Variants in ACSM2B observed in about 807,000 individuals in gnomAD.
The protein encoded by ACSM2B is acyl-coenzyme A synthetase ACSM2B, mitochondrial.
A neutral mutation model predicts 78.6 loss-of-function variants in ACSM2B; 58 were observed. The observed-to-expected ratio is 0.74, with a 90% confidence interval of 0.60 to 0.92. The LOEUF (loss-of-function observed/expected upper bound fraction) is 0.92. ACSM2B is among the 40% of genes least tolerant of loss of function. The pLI is 0.00. For missense variants in ACSM2B, 688 were observed against 711.2 expected, an observed-to-expected ratio of 0.97 and a Z score of 0.37; for synonymous variants, 257 against 256.8, an observed-to-expected ratio of 1.00 and a Z score of -0.01.
Position 20,537,158 on chromosome 16 carries a change from CT to C in ACSM2B, c.*99del, listed in dbSNP as rs1209387871. ...GCAAGACAAAACTTACATTCATGTT[CT>C]TTCATAAAGAATCTCATATCATCAT... On this transcript the variant is annotated 3_prime_UTR_variant, in exon 14 of 14. Coordinates refer to ENST00000329697, the MANE Select transcript of ACSM2B (RefSeq NM_001105069.2). The C allele has an allele frequency of 7.1e-7, 1 of 1,403,074 alleles. No homozygotes were observed. The highest frequency in any genetic ancestry group is 1.4e-5 in the African/African-American group (1 of 69,892). 86.9% of individuals were successfully genotyped at this position (1,403,074 alleles called of 1,614,324 possible).
chr16:20,542,785 G>A (rs1596704836), intron 12 of ACSM2B, 129 bp downstream of exon 12: 2 of 1,236,262 alleles, frequency 1.6e-6, no homozygotes, highest in Admixed American at 4.8e-5. Context: ...AGGTCACATA[G>A]CTAGTAAGTG....
intron 2 of ACSM2B, 29 bp from the exon 3 acceptor site, chr16:20,559,476 G>C: frequency 1.2e-6 from 2 of 1,610,350 alleles, no homozygotes; most frequent in Non-Finnish European, 1.7e-6. Context: ...TGTTGATTAG[G>C]GGGCATTGGT....
chr16:20,542,995 C>G lies in ACSM2B; in HGVS notation c.1428G>C (p.Ser476=), dbSNP rs148194016. ...GCTTCATCAGTGCATTCTCTACCTC[C>G]GAGGGTCCAATCCGGTACCTGCAGA... ...INSSGYRIGP[S]EVENALMKHP... Residue 476 remains serine, a synonymous_variant, in exon 12 of 14, where the codon TCG becomes TCC. Coordinates refer to ENST00000329697, the MANE Select transcript of ACSM2B (RefSeq NM_001105069.2). 1 of 1,613,624 alleles carries G rather than the reference C, an allele frequency of 6.2e-7. No individual in the cohort carries two copies. Among genetic ancestry groups the G allele is most frequent in the Non-Finnish European group, 8.5e-7 (1 of 1,179,852 alleles).
intron 2 of ACSM2B, among the ~76,000 whole-genome samples, chr16:20,560,307 G>A (rs1311646855): frequency 6.6e-6 from 1 of 151,816 alleles, no homozygotes; most frequent in Non-Finnish European, 1.5e-5. Flanking sequence ...AATGTCAGAG[G>A]TGGGGCTTGG....
intron 8 of ACSM2B, chr16:20,546,710 C>T (rs878945240): frequency 1.0e-4 from 60 of 572,460 alleles, no homozygotes; most frequent in Non-Finnish European, 1.5e-4. Flanking sequence ...GGAAGAGGAC[C>T]TAACAATCAC....
At position 20,573,525 on chromosome 16, in the gene ACSM2B, G is replaced by T. The variant is rs367604442; in HGVS notation, c.-9+2682C>A. 1.2e-3 allele frequency among the ~76,000 whole-genome samples: 174 copies of T among 141,140 alleles called. 13 individuals carry two copies. In the South Asian group the frequency reaches 0.038, roughly 30 times the overall value. 92.6% of individuals were successfully genotyped at this position (141,140 alleles called of 152,430 possible). On this transcript the variant is annotated intron_variant, in intron 1 of 13. Transcript: ENST00000329697. The stretch of plus-strand genomic sequence containing the variant: ...AAGTTCATTGGAGTTTACAAAGTCA[G>T]TGTCCCCAGCTTCACCAGTGTCCTC...
chr16:20,545,312 A>G (rs908827729), intron 9 of ACSM2B, 54 bp from the exon 10 acceptor site: 1 of 1,579,690 alleles, frequency 6.3e-7, no homozygotes, highest in South Asian at 1.1e-5. Flanking sequence ...GATGGCTTCA[A>G]TGGCAGCAGG....
chr16:20,545,559 G>A (rs1315040306), intron 9 of ACSM2B, among the ~76,000 whole-genome samples: 3 of 152,164 alleles, frequency 2.0e-5, no homozygotes, highest in African/African-American at 4.8e-5. Flanking sequence ...TACCTCACCT[G>A]TGGACTTAGA....
chr16:20,573,227 T>C (rs1336220549), intron 1 of ACSM2B, among the ~76,000 whole-genome samples: 1 of 151,886 alleles, frequency 6.6e-6, no homozygotes, highest in Non-Finnish European at 1.5e-5. Context: ...GGCTCAAGGC[T>C]ACTGTTCAGA....
intron 10 of ACSM2B, among the ~76,000 whole-genome samples, chr16:20,543,513 G>A (rs2152132633): frequency 6.6e-6 from 1 of 152,278 alleles, no homozygotes; most frequent in Middle Eastern, 3.4e-3. Flanking sequence ...GGATATTATT[G>A]ATGTATTCAT....
At chr16:20,561,695 G>T (rs1276382103) in intron 2 of ACSM2B, among the ~76,000 whole-genome samples, 5 of 149,830 alleles carry the variant, frequency 3.3e-5, no homozygotes, top group African/African-American at 7.4e-5. Flanking sequence ...TTTTTTTTTT[G>T]GTTGGATTTG....
chr16:20,562,107 G>A (rs1275830737), intron 2 of ACSM2B, among the ~76,000 whole-genome samples: 7 of 151,898 alleles, frequency 4.6e-5, no homozygotes, highest in African/African-American at 1.5e-4. Flanking sequence ...ATTTCTCAGA[G>A]ACCCTGATTT....
At chr16:20,552,745 T>C (rs2015358524) in intron 5 of ACSM2B, among the ~76,000 whole-genome samples, 1 of 152,352 alleles carries the variant, frequency 6.6e-6, no homozygotes, top group African/African-American at 2.4e-5. Flanking sequence ...ATAAAGCTGA[T>C]GGTCTTGCAC....
chr16:20,566,642 A>AG lies in ACSM2B; in HGVS notation c.-8-1790_-8-1789insC, dbSNP rs370177795. On this transcript the variant is annotated intron_variant, in intron 1 of 13. Coordinates refer to ENST00000329697, the MANE Select transcript of ACSM2B (RefSeq NM_001105069.2). ...TATATATACTATATATAGTATATAT[A>AG]TACTATACTATATATATGTATATAT... Among the ~76,000 whole-genome samples, 66 of 24,788 alleles carry AG rather than the reference A, an allele frequency of 2.7e-3. 3 individuals are homozygous for AG. The highest frequency in any genetic ancestry group is 0.017 in the African/African-American group (65 of 3,762). 16.3% of individuals were successfully genotyped at this position (24,788 alleles called of 152,430 possible). A position where few individuals can be genotyped will look rare whatever the true frequency, so the allele number is the denominator to read the frequency against.
intron 1 of ACSM2B, among the ~76,000 whole-genome samples, chr16:20,568,196 T>C (rs1049587828): frequency 2.1e-5 from 3 of 143,774 alleles, no homozygotes; most frequent in Admixed American, 7.2e-5. Flanking sequence ...ATATATTATA[T>C]AAAATATAAA....
rs759565106 is a variant in ACSM2B, at chr16:20,546,522, G to A, written c.1099-48C>T. On this transcript the variant is annotated intron_variant, in intron 8 of 13. Transcript: ENST00000329697. ...CAGCAAACCTCAGGAGGAGGTACAA[G>A]GTCACAGAAAAAGAAAAAATTTCTG... 1.1e-5 allele frequency: 17 copies of A among 1,572,476 alleles called. No homozygotes were observed. The Admixed American group carries it at 2.2e-4, about 20-fold the overall frequency.
chr16:20,537,532 G>A (rs141242534), intron 13 of ACSM2B, among the ~76,000 whole-genome samples, 170 bp from the exon 14 acceptor site: 1 of 152,162 alleles, frequency 6.6e-6, no homozygotes, highest in Non-Finnish European at 1.5e-5. Context: ...GACAATAAGA[G>A]GATGGCTAGA....
intron 1 of ACSM2B, among the ~76,000 whole-genome samples, chr16:20,570,593 A>T (rs1159253485): frequency 6.6e-6 from 1 of 151,568 alleles, no homozygotes; most frequent in East Asian, 1.9e-4. Context: ...TTTAGGGAGG[A>T]TTCCCTCTTT....
At chr16:20,552,856 G>T (rs1304496138) in intron 5 of ACSM2B, among the ~76,000 whole-genome samples, 1 of 152,144 alleles carries the variant, frequency 6.6e-6, no homozygotes, top group Non-Finnish European at 1.5e-5. Context: ...ACTTCCTTGT[G>T]ACGGGAACTG....
Sources: allele counts gnomAD v4.1 joint callset (sites outside exome capture counted in the v4.1 genomes callset), GRCh38; gene constraint gnomAD v4.1.1; transcripts MANE v1.5; gene names NCBI Gene and HGNC (gene_info 2026-07-23, HGNC 2026-07-21).